The following TMEM106A variants were observed in gnomAD, a reference collection of about 807,000 sequenced individuals.
TMEM106A encodes the protein transmembrane protein 106A.
TMEM106A carries 22 observed loss-of-function variants against 25.1 expected under a neutral mutation model. That is an observed-to-expected ratio of 0.88 (90% CI 0.63 to 1.25). The LOEUF (loss-of-function observed/expected upper bound fraction) is 1.25. Ranked by LOEUF, TMEM106A falls within the 50% of genes most tolerant of loss-of-function variation. The pLI is 0.00. For synonymous variants in TMEM106A, 104 were observed against 129.9 expected (o/e 0.80, Z 1.35); for missense variants, 275 against 318.1 (o/e 0.86, Z 1.03).
intron 1 of TMEM106A, 131 bp downstream of exon 1, chr17:43,212,053 G>A (rs1465136917): frequency 2.0e-5 from 3 of 152,296 alleles, no homozygotes; most frequent in African/African-American, 7.2e-5. Flanking sequence ...GGCCTCTAGG[G>A]GTGTGTGGTG....
rs2057512440 is a variant in TMEM106A at position 43,219,051 on chromosome 17, A to G, written c.*1250A>G. 6.6e-6 allele frequency: 1 copy of G among 152,256 alleles called. No individual in the cohort carries two copies. 9.4% of individuals were successfully genotyped at this position (152,256 alleles called of 1,614,324 possible). A position where few individuals can be genotyped will look rare whatever the true frequency, so the allele number is the denominator to read the frequency against. ...ACAGGAAAAACAGAGCCAAAGACAG[A>G]ATCATTGTATAAGATATTTATTAAA... On this transcript the variant is annotated 3_prime_UTR_variant, in exon 9 of 9. Coordinates refer to ENST00000612339, the MANE Select transcript of TMEM106A (RefSeq NM_145041.4).
intron 7 of TMEM106A, chr17:43,216,991 A>G: frequency 1.6e-6 from 1 of 623,382 alleles, no homozygotes. Context: ...TTCAGCCTGC[A>G]TTGCTGAGGA....
At chr17:43,213,312 G>A (rs1184215575) in intron 3 of TMEM106A, 60 bp downstream of exon 3, 3 of 1,572,498 alleles carry the variant, frequency 1.9e-6, no homozygotes, top group African/African-American at 2.7e-5. Context: ...TAGCCTGTTG[G>A]CCTGGGGCAG....
intron 5 of TMEM106A, 88 bp from the exon 6 acceptor site, chr17:43,216,354 GGGGCTCA>G: frequency 6.0e-6 from 9 of 1,510,006 alleles, no homozygotes; most frequent in Non-Finnish European, 8.2e-6. Flanking sequence ...CATGGTAGAT[GGGGCTCA>G]GGCCAGACAG....
At chr17:43,214,816 T>C (rs918982922) in intron 4 of TMEM106A, among the ~76,000 whole-genome samples, 3 of 151,302 alleles carry the variant, frequency 2.0e-5, no homozygotes, top group Non-Finnish European at 4.4e-5. Context: ...AAAAATTATC[T>C]GGGCGTGGTG....
intron 3 of TMEM106A, among the ~76,000 whole-genome samples, 158 bp downstream of exon 3, chr17:43,213,410 C>G (rs2057455307): frequency 6.6e-6 from 1 of 152,212 alleles, no homozygotes; most frequent in Non-Finnish European, 1.5e-5. Context: ...ACTTAACTAT[C>G]CTTGGGTTCC....
rs1335749342 is a variant in TMEM106A, at chr17:43,218,849, A to G, written c.*1048A>G. The G allele has an allele frequency of 6.6e-6, 1 of 152,172 alleles. No homozygotes were observed. Among genetic ancestry groups the G allele is most frequent in the East Asian group, 1.9e-4 (1 of 5,198 alleles). The allele number at this position is 152,172 out of a possible 1,614,324, so 9.4% of individuals were successfully genotyped here. ...CACCCATCTGATAGTAAGATTAGCCAAGGCCCTTTAGCCCTCTGTCCTTTC... is the reference window on the plus strand; with the variant it reads ...CACCCATCTGATAGTAAGATTAGCCGAGGCCCTTTAGCCCTCTGTCCTTTC... On this transcript the variant is annotated 3_prime_UTR_variant, in exon 9 of 9. Coordinates refer to ENST00000612339, the MANE Select transcript of TMEM106A (RefSeq NM_145041.4).
rs775221954 is a variant in TMEM106A at position 43,216,471 on chromosome 17, G to A, written c.452G>A (p.Gly151Asp). Residue 151 changes from glycine (G) to aspartate (D), a missense_variant, in exon 6 of 9, where the codon GGC (glycine) becomes GAC (aspartate). By Grantham distance (94) the Gly-to-Asp change is moderately conservative. Coordinates refer to ENST00000612339, the MANE Select transcript of TMEM106A (RefSeq NM_145041.4). Reference sequence around the variant, plus strand: ...CAGAATATCTTAAACATCTCCAATGGCAACTACTACCCCATTATGGTGACA... The same window carrying A: ...CAGAATATCTTAAACATCTCCAATGACAACTACTACCCCATTATGGTGACA... ...NITNILNISN[G>D]NYYPIMVTQL... is the part of the protein sequence containing the mutation. 6.2e-7 allele frequency: 1 copy of A among 1,614,122 alleles called. No homozygotes were observed. The highest frequency in any genetic ancestry group is 1.1e-5 in the South Asian group (1 of 91,086).
At position 43,218,587 on chromosome 17, in the gene TMEM106A, G is replaced by T. The variant is rs1303265604; in HGVS notation, c.*786G>T. On this transcript the variant is annotated 3_prime_UTR_variant, in exon 9 of 9. Transcript: ENST00000612339. ...GAGGCAGCAGAATCACTTGAAACCG[G>T]AAGGCAGAGGTTGCAGTGAGCCAAG... The T allele has an allele frequency of 6.6e-6, 1 of 152,242 alleles. No homozygotes were observed. Among genetic ancestry groups the T allele is most frequent in the Non-Finnish European group, 1.5e-5 (1 of 68,054 alleles). The allele number at this position is 152,242 out of a possible 1,614,324, so 9.4% of individuals were successfully genotyped here.
At chr17:43,216,300 C>T (rs2057485307) in intron 5 of TMEM106A, 149 bp from the exon 6 acceptor site, 6 of 1,134,710 alleles carry the variant, frequency 5.3e-6, no homozygotes, top group East Asian at 2.4e-5. Flanking sequence ...TTCAATGCCC[C>T]TCCAAGGGGC....
At chr17:43,214,212 A>G (rs1466468838) in intron 4 of TMEM106A, among the ~76,000 whole-genome samples, 1 of 77,624 alleles carries the variant, frequency 1.3e-5, no homozygotes, top group East Asian at 4.1e-4. Context: ...AAAAGAAAAA[A>G]AAAAAGAAAA....
At chr17:43,212,974 G>T in intron 2 of TMEM106A, 47 bp from the exon 3 acceptor site, 1 of 1,484,406 alleles carries the variant, frequency 6.7e-7, no homozygotes, top group Non-Finnish European at 9.4e-7. Flanking sequence ...TACATCTGGC[G>T]TCAGTGCTAA....
chr17:43,217,417 C>A, intron 8 of TMEM106A, 105 bp downstream of exon 8: 1 of 1,430,506 alleles, frequency 7.0e-7, no homozygotes, highest in Non-Finnish European at 9.8e-7. Flanking sequence ...CCCCATGAAT[C>A]TTTGTTGGCT....
rs757232482 is a variant in TMEM106A, at chr17:43,213,229, AG to A, written c.191del (p.Gly64AlafsTer24). 6.2e-7 allele frequency: 1 copy of A among 1,614,196 alleles called. No individual in the cohort carries two copies. Among genetic ancestry groups the A allele is most frequent in the Non-Finnish European group, 8.5e-7 (1 of 1,180,052 alleles). On this transcript the variant is annotated frameshift_variant, in exon 3 of 9. Transcript: ENST00000612339. LOFTEE classifies it high-confidence loss of function. ...AGCTTCGTGACTTGTCCCACCTGCC[AG>A]GGCAGTGGCAAGATTCCCCAAGGTG... ...DASFVTCPTC[Q>X]GSGKIPQELE...
In TMEM106A at chr17:43,219,067, A is replaced by ATT. The variant is rs1207015024; in HGVS notation, c.*1268_*1269dup. ...CAAAGACAGAATCATTGTATAAGAT[A>ATT]TTTATTAAAGGAGAGCCTCTAAGTC... On this transcript the variant is annotated 3_prime_UTR_variant, in exon 9 of 9. Transcript: ENST00000612339. 6.6e-6 allele frequency: 1 copy of ATT among 152,350 alleles called. No homozygotes were observed. Among genetic ancestry groups the ATT allele is most frequent in the East Asian group, 1.9e-4 (1 of 5,194 alleles). 9.4% of individuals were successfully genotyped at this position (152,350 alleles called of 1,614,324 possible). A position where few individuals can be genotyped will look rare whatever the true frequency, so the allele number is the denominator to read the frequency against.
rs546723157 is a variant in TMEM106A, at chr17:43,219,471, T to A, written c.*1670T>A. 24 of 152,108 alleles carry A rather than the reference T, an allele frequency of 1.6e-4. No individual in the cohort carries two copies. The highest frequency in any genetic ancestry group is 5.8e-4 in the African/African-American group (24 of 41,468). 9.4% of individuals were successfully genotyped at this position (152,108 alleles called of 1,614,324 possible). A position where few individuals can be genotyped will look rare whatever the true frequency, so the allele number is the denominator to read the frequency against. On this transcript the variant is annotated 3_prime_UTR_variant, in exon 9 of 9. Transcript: ENST00000612339. The stretch of plus-strand genomic sequence containing the variant: ...TCTTACAGCTGGGTGCAGTGGTATA[T>A]ACCTGTAGTCCCAGCTACTCAGGAA...
At chr17:43,215,574 A>G (rs1165979390) in intron 4 of TMEM106A, among the ~76,000 whole-genome samples, 1 of 152,202 alleles carries the variant, frequency 6.6e-6, no homozygotes, top group Non-Finnish European at 1.5e-5. Context: ...TATTGGGTCA[A>G]TGGGAACAGA....
At position 43,216,525 on chromosome 17, in the gene TMEM106A, C is replaced by G; in HGVS notation, c.506C>G (p.Ser169Cys). The G allele has an allele frequency of 6.2e-7, 1 of 1,614,236 alleles. No individual in the cohort carries two copies. Among genetic ancestry groups the G allele is most frequent in the South Asian group, 1.1e-5 (1 of 91,086 alleles). The change falls in exon 6 of 9, where the codon TCC (serine) becomes TGC (cysteine). Residue 169 changes from serine to cysteine, a missense_variant. Coordinates refer to ENST00000612339, the MANE Select transcript of TMEM106A (RefSeq NM_145041.4). ...CTGACCCTCGAGGTTCTGCACCTGTCCCTCGTGGTGGGGCAGGTTTCCAAC... is the reference window on the plus strand; with the variant it reads ...CTGACCCTCGAGGTTCTGCACCTGTGCCTCGTGGTGGGGCAGGTTTCCAAC... ...TQLTLEVLHL[S>C]LVVGQVSNNL...
chr17:43,216,573 C>T lies in TMEM106A; in HGVS notation c.554C>T (p.Pro185Leu). ...AACAACCTTCTCCTACACATTGGCC[C>T]TTTGGCCAGTGAACAGGTGACTCCC... ...VSNNLLLHIG[P>L]LASEQMFYAV... Residue 185 changes from proline (P) to leucine (L), a missense_variant, in exon 6 of 9, where the codon CCT becomes CTT. Pro to Leu is a moderately conservative substitution (Grantham distance 98). Transcript: ENST00000612339. 6.2e-7 allele frequency: 1 copy of T among 1,614,226 alleles called. No homozygotes were observed. Among genetic ancestry groups the T allele is most frequent in the African/African-American group, 1.3e-5 (1 of 75,066 alleles).
Sources: gnomAD v4.1 joint callset for allele counts (sites outside exome capture counted in the v4.1 genomes callset) on GRCh38, gnomAD v4.1.1 for gene constraint, MANE v1.5 for transcripts, NCBI Gene and HGNC (gene_info 2026-07-23, HGNC 2026-07-21) for gene names.